ELAPOR2: variants seen among roughly 807,000 people sequenced by gnomAD.
The protein encoded by ELAPOR2 is endosome-lysosome associated apoptosis and autophagy regulator family member 2.
Under a neutral mutation model 120.7 loss-of-function variants are expected in ELAPOR2, and 89 were observed. The ratio of observed to expected loss-of-function variants is 0.74; its 90% confidence interval spans 0.62 to 0.88. The LOEUF (loss-of-function observed/expected upper bound fraction) is 0.88, where lower values mean the gene tolerates loss of function less well. ELAPOR2 is among the 40% of genes least tolerant of loss of function. The pLI is 0.00. For missense variants in ELAPOR2, 1,134 were observed against 1,251.6 expected (o/e 0.91, Z 1.42); for synonymous variants, 444 against 444.9 (o/e 1.00, Z 0.03).
chr7:86,879,585 T>C lies in ELAPOR2; in HGVS notation c.*886A>G, dbSNP rs1799303972. The C allele has an allele frequency of 6.6e-6, 1 of 152,174 alleles. No homozygotes were observed. Among genetic ancestry groups the C allele is most frequent in the Non-Finnish European group, 1.5e-5 (1 of 68,022 alleles). The allele number at this position is 152,174 out of a possible 1,614,324, so 9.4% of individuals were successfully genotyped here. On this transcript the variant is annotated 3_prime_UTR_variant, in exon 22 of 22. Transcript: ENST00000450689. The stretch of plus-strand genomic sequence containing the variant: ...ATTACCCCAGTATTTCATACAGTCA[T>C]CTGTACTTATAGACAAACCTTCTCA...
chr7:86,961,286 C>T (rs1013886433), intron 2 of ELAPOR2, among the ~76,000 whole-genome samples: 1 of 151,878 alleles, frequency 6.6e-6, no homozygotes, highest in Non-Finnish European at 1.5e-5. Context: ...AGCTGAAGAA[C>T]AAATTAATGG....
chr7:87,036,843 T>C (rs1177688343), intron 1 of ELAPOR2, among the ~76,000 whole-genome samples: 2 of 152,182 alleles, frequency 1.3e-5, no homozygotes, highest in Non-Finnish European at 2.9e-5. Context: ...GGTCAGTACC[T>C]GGGTGATGGG....
intron 1 of ELAPOR2, among the ~76,000 whole-genome samples, chr7:86,969,818 G>A (rs1031850617): frequency 2.6e-5 from 4 of 152,074 alleles, no homozygotes; most frequent in East Asian, 1.9e-4. Flanking sequence ...TACAAAATGC[G>A]ACCCTATTTT....
intron 2 of ELAPOR2, among the ~76,000 whole-genome samples, chr7:86,959,384 G>A (rs1021340464): frequency 7.2e-5 from 11 of 152,084 alleles, no homozygotes; most frequent in African/African-American, 2.7e-4. Flanking sequence ...AAGGTGAACG[G>A]GATCCTTGCC....
intron 18 of ELAPOR2, among the ~76,000 whole-genome samples, chr7:86,906,884 T>C (rs1266567962): frequency 6.6e-6 from 1 of 151,708 alleles, no homozygotes; most frequent in African/African-American, 2.4e-5. Flanking sequence ...TTAAAAATAA[T>C]AATAATTTTT....
chr7:87,030,330 A>G (rs1392724760), intron 1 of ELAPOR2, among the ~76,000 whole-genome samples: 1 of 152,190 alleles, frequency 6.6e-6, no homozygotes, highest in African/African-American at 2.4e-5. Flanking sequence ...TAAGAAAAAC[A>G]TAAGCGTCCT....
At chr7:86,965,388 T>A (rs951373878) in intron 1 of ELAPOR2, among the ~76,000 whole-genome samples, 1 of 152,246 alleles carries the variant, frequency 6.6e-6, no homozygotes, top group African/African-American at 2.4e-5. Flanking sequence ...GGAATTTGAC[T>A]ACTGTCATTG....
intron 10 of ELAPOR2, among the ~76,000 whole-genome samples, chr7:86,924,572 T>C (rs1039053204): frequency 6.6e-6 from 1 of 152,006 alleles, no homozygotes; most frequent in Admixed American, 6.6e-5. Context: ...TCTTCTTCTC[T>C]CTGAGGATTT....
At chr7:86,970,090 T>C (rs1444539836) in intron 1 of ELAPOR2, among the ~76,000 whole-genome samples, 1 of 152,188 alleles carries the variant, frequency 6.6e-6, no homozygotes, top group Non-Finnish European at 1.5e-5. Flanking sequence ...CCGGGTCTTC[T>C]ATACTCAGAT....
chr7:86,910,696 T>G (rs1236315437), intron 15 of ELAPOR2, among the ~76,000 whole-genome samples: 1 of 152,110 alleles, frequency 6.6e-6, no homozygotes, highest in African/African-American at 2.4e-5. Flanking sequence ...ATGTTTAAAT[T>G]TACTGTAGTC....
Position 86,949,732 on chromosome 7 carries a change from A to G in ELAPOR2, c.311-1810T>C, listed in dbSNP as rs552419822. Among the ~76,000 whole-genome samples, 31 of 152,294 alleles carry G rather than the reference A, an allele frequency of 2.0e-4. No homozygotes were observed. The Middle Eastern group carries it at 0.02, about 100-fold the overall frequency. On this transcript the variant is annotated intron_variant, in intron 2 of 21. Coordinates refer to ENST00000450689, the MANE Select transcript of ELAPOR2 (RefSeq NM_001142749.3). ...GGCTGAGCCTGGGCACTCTGCTAAC[A>G]TACCAGCTTCCTGCCACCTCAGCCT...
intron 1 of ELAPOR2, among the ~76,000 whole-genome samples, chr7:86,985,552 A>C (rs558531211): frequency 1.3e-5 from 2 of 152,360 alleles, no homozygotes; most frequent in East Asian, 3.9e-4. Flanking sequence ...AAATCAATAA[A>C]TGTAATCCAT....
At chr7:86,924,266 TA>T (rs1261790370) in intron 10 of ELAPOR2, among the ~76,000 whole-genome samples, 2 of 151,962 alleles carry the variant, frequency 1.3e-5, no homozygotes, top group Non-Finnish European at 2.9e-5. Flanking sequence ...AGACTCTCAG[TA>T]AATGAGTAAG....
intron 15 of ELAPOR2, chr7:86,911,686 T>C (rs1440775424): frequency 2.2e-6 from 1 of 459,990 alleles, no homozygotes; most frequent in East Asian, 6.8e-5. Context: ...CTCTTGAAAG[T>C]CTTTTTCTTC....
intron 1 of ELAPOR2, among the ~76,000 whole-genome samples, chr7:87,041,137 T>C (rs1356551809): frequency 6.6e-6 from 1 of 152,158 alleles, no homozygotes; most frequent in Non-Finnish European, 1.5e-5. Flanking sequence ...CTATGTCTGA[T>C]TGGTGTACCT....
At chr7:86,959,747 A>G (rs984085747) in intron 2 of ELAPOR2, among the ~76,000 whole-genome samples, 1 of 151,566 alleles carries the variant, frequency 6.6e-6, no homozygotes, top group African/African-American at 2.4e-5. Context: ...AATCTTCATT[A>G]TTTCCTTCCT....
At chr7:87,003,118 G>C (rs1011829251) in intron 1 of ELAPOR2, among the ~76,000 whole-genome samples, 1 of 152,056 alleles carries the variant, frequency 6.6e-6, no homozygotes, top group East Asian at 1.9e-4. Flanking sequence ...CCTTCTTTAT[G>C]GGATTGATAA....
chr7:86,905,115 G>GAAGA (rs1279777823), intron 18 of ELAPOR2, among the ~76,000 whole-genome samples: 1 of 147,470 alleles, frequency 6.8e-6, no homozygotes, highest in Non-Finnish European at 1.5e-5. Context: ...AGGAAGGAAG[G>GAAGA]AAGGAAGGAA....
intron 1 of ELAPOR2, among the ~76,000 whole-genome samples, chr7:86,978,221 G>A (rs892696043): frequency 6.6e-6 from 1 of 152,164 alleles, no homozygotes; most frequent in Non-Finnish European, 1.5e-5. Context: ...GCCACCCTGT[G>A]AAGAGGTGCC....
Sources: gnomAD v4.1 joint callset for allele counts (sites outside exome capture counted in the v4.1 genomes callset) on GRCh38, gnomAD v4.1.1 for gene constraint, MANE v1.5 for transcripts, NCBI Gene and HGNC (gene_info 2026-07-23, HGNC 2026-07-21) for gene names.